The following ALS2 variants were observed in gnomAD, a reference collection of about 807,000 sequenced individuals.
ALS2 encodes alsin.
In ALS2, 117 loss-of-function variants were observed where a neutral mutation model predicts 203.4. The observed-to-expected ratio is 0.58, with a 90% CI of 0.50 to 0.67. The LOEUF is 0.67. Among genes scored for constraint, ALS2 ranks in the 30% least tolerant of loss-of-function variants. The probability of loss-of-function intolerance (pLI) is 0.00; values close to 1 mark genes in which losing one functional copy is unlikely to be tolerated. For synonymous variants in ALS2, 718 were observed against 725.9 expected (o/e 0.99, Z 0.17); for missense variants, 1,715 against 1,989.4 (o/e 0.86, Z 2.62).
chr2:201,761,296 T>C lies in ALS2; in HGVS notation c.698A>G (p.Asn233Ser), dbSNP rs1409657058. The stretch of plus-strand genomic sequence containing the variant: ...AGTAATCAAGAGCTGGCTGCACTGG[T>C]TGCATCGTTCTGGGACTGGCTTCAG... ...QDLKPVPERC[N>S]QCSQLLITMT... The change falls in exon 4 of 34, where the codon AAC becomes AGC. Residue 233 changes from asparagine to serine, a missense_variant. By Grantham distance (46) the Asn-to-Ser change is conservative. This residue lies in a region of ALS2 where 476 missense variants were observed against 539.3 expected (regional missense o/e 0.88). Coordinates refer to ENST00000264276, the MANE Select transcript of ALS2 (RefSeq NM_020919.4). 1 of 1,614,116 alleles carries C rather than the reference T, an allele frequency of 6.2e-7. No homozygotes were observed. Among genetic ancestry groups the C allele is most frequent in the African/African-American group, 1.3e-5 (1 of 75,014 alleles).
chr2:201,728,762 GTAAAATCTAAATTTA>G, intron 14 of ALS2, 122 bp from the exon 15 acceptor site: 1 of 1,240,052 alleles, frequency 8.1e-7, no homozygotes, highest in South Asian at 1.5e-5. Flanking sequence ...TTAGCTTGGT[GTAAAATCTAAATTTA>G]TATGGGATCT....
chr2:201,730,404 C>T lies in ALS2; in HGVS notation c.2581-1221G>A, dbSNP rs148974767. Reference sequence around the variant, plus strand: ...AAAAATCACAGGATAATAGAACTACCAATCTCATGAGATAAAGTCCTAAGT... The same window carrying T: ...AAAAATCACAGGATAATAGAACTACTAATCTCATGAGATAAAGTCCTAAGT... On this transcript the variant is annotated intron_variant, in intron 13 of 33. Transcript: ENST00000264276. 9.9e-5 allele frequency among the ~76,000 whole-genome samples: 15 copies of T among 152,222 alleles called. No individual in the cohort carries two copies. In the East Asian group the frequency reaches 2.3e-3, roughly 23 times the overall value.
At chr2:201,743,300 T>C (rs1692412352) in intron 10 of ALS2, among the ~76,000 whole-genome samples, 1 of 152,076 alleles carries the variant, frequency 6.6e-6, no homozygotes, top group Admixed American at 6.6e-5. Flanking sequence ...TTCCCTCAAC[T>C]TCCATTCTGC....
At chr2:201,728,430 T>G (rs1691332285) in intron 15 of ALS2, 82 bp downstream of exon 15, 1 of 1,562,436 alleles carries the variant, frequency 6.4e-7, no homozygotes, top group East Asian at 2.3e-5. Context: ...CACACTAGTT[T>G]TGAACATAAA....
At chr2:201,762,132 T>G (rs1274460385) in intron 3 of ALS2, among the ~76,000 whole-genome samples, 1 of 152,176 alleles carries the variant, frequency 6.6e-6, no homozygotes, top group Non-Finnish European at 1.5e-5. Context: ...TCCAGGCTAT[T>G]ATAGAAACAG....
chr2:201,764,633 C>A (rs747418131), intron 3 of ALS2, among the ~76,000 whole-genome samples: 11 of 116,894 alleles, frequency 9.4e-5, no homozygotes, highest in Non-Finnish European at 1.6e-4. Context: ...GACTCCGTCT[C>A]AAAATAAATA....
chr2:201,758,076 A>G, intron 4 of ALS2, among the ~76,000 whole-genome samples: 1 of 152,212 alleles, frequency 6.6e-6, no homozygotes, highest in South Asian at 2.1e-4. Context: ...GGGAGAAGAA[A>G]AGGCATGGAA....
At chr2:201,727,489 C>A (rs953549107) in intron 16 of ALS2, among the ~76,000 whole-genome samples, 3 of 152,112 alleles carry the variant, frequency 2.0e-5, no homozygotes, top group Non-Finnish European at 4.4e-5. Flanking sequence ...ATGAAGATGC[C>A]CTTTCATCAC....
At chr2:201,708,063 C>A (rs1324679009) in intron 27 of ALS2, 72 bp from the exon 28 acceptor site, 18 of 1,447,114 alleles carry the variant, frequency 1.2e-5, no homozygotes, top group Non-Finnish European at 1.6e-5. Context: ...AAACACATTT[C>A]CATTAGTTAT....
In ALS2 at chr2:201,701,877, G is replaced by C. The variant is rs1479806650; in HGVS notation, c.4948C>G (p.Gln1650Glu). The C allele has an allele frequency of 6.2e-7, 1 of 1,613,440 alleles. No homozygotes were observed. The highest frequency in any genetic ancestry group is 2.2e-5 in the East Asian group (1 of 44,806). ...MFTTLKACYY[Q>E]IQREKLN ...TAGTTAAGCTTCTCACGCTGAATCTGGTAGTAACATGCCTGGAAGAAAAGT... is the reference window on the plus strand; with the variant it reads ...TAGTTAAGCTTCTCACGCTGAATCTCGTAGTAACATGCCTGGAAGAAAAGT... Residue 1650 changes from glutamine (Q) to glutamate (E), a missense_variant, in exon 34 of 34, where the codon CAG becomes GAG. By Grantham distance (29) the Gln-to-Glu change is conservative. Coordinates refer to ENST00000264276, the MANE Select transcript of ALS2 (RefSeq NM_020919.4).
chr2:201,712,011 A>G (rs1462415987), intron 25 of ALS2, among the ~76,000 whole-genome samples: 1 of 152,214 alleles, frequency 6.6e-6, no homozygotes, highest in African/African-American at 2.4e-5. Context: ...TTCTACTGAT[A>G]GAGTAGAAGG....
rs138353090 is a variant in ALS2 at position 201,711,393 on chromosome 2, T to C, written c.4005-285A>G. ...CAATGAAGATTCTACAATAAATTAA[T>C]GAAGATTCTACTCCAATCTAAACCA... On this transcript the variant is annotated intron_variant, in intron 25 of 33. Transcript: ENST00000264276. 7.7e-4 allele frequency among the ~76,000 whole-genome samples: 118 copies of C among 152,310 alleles called. 1 individual carries two copies. Among genetic ancestry groups the C allele is most frequent in the Admixed American group, 3.1e-3 (48 of 15,302 alleles).
intron 4 of ALS2, 52 bp downstream of exon 4, chr2:201,760,829 C>T (rs560976096): frequency 6.4e-7 from 1 of 1,560,806 alleles, no homozygotes; most frequent in South Asian, 1.2e-5. Context: ...AAAGAAAAGC[C>T]CATACAGTTC....
Position 201,767,327 on chromosome 2 carries a change from C to A in ALS2, c.77G>T (p.Gly26Val). The A allele has an allele frequency of 6.2e-7, 1 of 1,614,112 alleles. No individual in the cohort carries two copies. Among genetic ancestry groups the A allele is most frequent in the East Asian group, 2.2e-5 (1 of 44,860 alleles). ...TCTCTCTGGTGTTATGGGAAAGGAT[C>A]CTGCCTGCCAGATATGGACCAGGCC... The part of the protein sequence containing the change: ...ERGLVHIWQA[G>V]SFPITPERLP... Residue 26 changes from glycine to valine, a missense_variant, in exon 3 of 34, where the codon GGA becomes GTA. By Grantham distance (109) the Gly-to-Val change is moderately radical. This residue lies in a region of ALS2 where 476 missense variants were observed against 539.3 expected (regional missense o/e 0.88). Coordinates refer to ENST00000264276, the MANE Select transcript of ALS2 (RefSeq NM_020919.4).
intron 31 of ALS2, 41 bp downstream of exon 31, chr2:201,705,098 C>T (rs758632562): frequency 2.2e-5 from 34 of 1,574,498 alleles, no homozygotes; most frequent in Non-Finnish European, 2.9e-5. Context: ...AGACCAAGCA[C>T]TACTTTGATT....
In ALS2 at chr2:201,761,896, TC is replaced by T. The variant is rs529354282; in HGVS notation, c.176-79del. 65 of 1,481,998 alleles carry T rather than the reference TC, an allele frequency of 4.4e-5. 2 individuals are homozygous for T. The Middle Eastern group carries it at 2.2e-3, about 49-fold the overall frequency. 91.8% of individuals were successfully genotyped at this position (1,481,998 alleles called of 1,614,324 possible). Reference sequence around the variant, plus strand: ...AAAAATTTTAACAGCAAACTTTTAGTCCCCTATAGATTTAACCAAATTGGAT... The same window carrying T: ...AAAAATTTTAACAGCAAACTTTTAGTCCCTATAGATTTAACCAAATTGGAT... On this transcript the variant is annotated intron_variant, in intron 3 of 33. Coordinates refer to ENST00000264276, the MANE Select transcript of ALS2 (RefSeq NM_020919.4).
chr2:201,748,628 A>G (rs1260870212), intron 8 of ALS2, among the ~76,000 whole-genome samples: 2 of 139,878 alleles, frequency 1.4e-5, no homozygotes, highest in Non-Finnish European at 3.2e-5. Context: ...AACAAAAAAC[A>G]AGGAACAATG....
chr2:201,745,908 C>T (rs1574751985), intron 9 of ALS2, among the ~76,000 whole-genome samples: 1 of 152,262 alleles, frequency 6.6e-6, no homozygotes, highest in African/African-American at 2.4e-5. Flanking sequence ...AAGACTGTGT[C>T]ACTGCACTCC....
At chr2:201,742,028 G>A (rs1692305917) in intron 10 of ALS2, among the ~76,000 whole-genome samples, 174 bp from the exon 11 acceptor site, 1 of 152,142 alleles carries the variant, frequency 6.6e-6, no homozygotes, top group Admixed American at 6.5e-5. Context: ...ACAGTATCCA[G>A]TCCTTTGAGG....
Sources: gnomAD v4.1 joint callset for allele counts (sites outside exome capture counted in the v4.1 genomes callset) on GRCh38, gnomAD v4.1.1 for gene constraint, gnomAD v4.1.1 regional missense constraint, MANE v1.5 for transcripts, NCBI Gene and HGNC (gene_info 2026-07-23, HGNC 2026-07-21) for gene names.